Variants in CAB39L observed in about 807,000 individuals in gnomAD.
CAB39L encodes calcium binding protein 39 like.
A neutral mutation model predicts 39.1 loss-of-function variants in CAB39L; 23 were observed. The ratio of observed to expected loss-of-function variants is 0.59; its 90% CI spans 0.42 to 0.83. CAB39L has a LOEUF of 0.83. Among genes scored for constraint, CAB39L ranks in the 40% least tolerant of loss-of-function variants. The probability of loss-of-function intolerance (pLI) is 0.00; values close to 1 mark genes in which losing one functional copy is unlikely to be tolerated. For synonymous variants in CAB39L, 126 were observed against 137.2 expected (o/e 0.92, Z 0.57); for missense variants, 366 against 391.9 (o/e 0.93, Z 0.56).
chr13:49,359,196 C>A (rs1447576541), intron 6 of CAB39L, among the ~76,000 whole-genome samples: 1 of 152,106 alleles, frequency 6.6e-6, no homozygotes, highest in Non-Finnish European at 1.5e-5. Context: ...AATAAGTATA[C>A]ATAAAAATAA....
In CAB39L at chr13:49,366,510, C is replaced by T. The variant is rs188642942; in HGVS notation, c.277-6678G>A. Among the ~76,000 whole-genome samples the T allele has an allele frequency of 1.7e-4, 26 of 151,302 alleles. No individual in the cohort carries two copies. The East Asian group carries it at 3.5e-3, about 20-fold the overall frequency. On this transcript the variant is annotated intron_variant, in intron 5 of 10. Transcript: ENST00000409308. ...GGCTTGGTGGCACGCACCTATAATC[C>T]CAGCTACTCAGGAGGCTGAGGCAGG... is the stretch of plus-strand genomic sequence containing the variant.
chr13:49,366,691 C>G (rs940021546), intron 5 of CAB39L, among the ~76,000 whole-genome samples: 3 of 151,264 alleles, frequency 2.0e-5, no homozygotes, highest in Non-Finnish European at 2.9e-5. Context: ...CCCAACCCCC[C>G]ATCAAAGCCC....
intron 2 of CAB39L, 79 bp from the exon 3 acceptor site, chr13:49,433,472 T>C (rs1957358913): frequency 2.3e-5 from 9 of 399,136 alleles, no homozygotes; most frequent in South Asian, 1.6e-4. Context: ...TGCTTTCAGG[T>C]ATACAGAATT....
intron 8 of CAB39L, among the ~76,000 whole-genome samples, chr13:49,342,910 C>A (rs1356912779): frequency 6.6e-6 from 1 of 152,126 alleles, no homozygotes; most frequent in Admixed American, 6.5e-5. Flanking sequence ...ATTGATTGTA[C>A]ATTAAAATAA....
chr13:49,401,106 A>G (rs1956760283), intron 3 of CAB39L: 1 of 152,184 alleles, frequency 6.6e-6, no homozygotes, highest in African/African-American at 2.4e-5. Context: ...TCTATAAACC[A>G]GTATAGATAA....
At chr13:49,371,623 G>T (rs1404472125) in intron 5 of CAB39L, among the ~76,000 whole-genome samples, 2 of 151,906 alleles carry the variant, frequency 1.3e-5, no homozygotes, top group African/African-American at 2.4e-5. Context: ...TTGAGACAGG[G>T]TCTCATTCTA....
At chr13:49,337,332 G>A (rs979089026) in intron 9 of CAB39L, among the ~76,000 whole-genome samples, 1 of 152,170 alleles carries the variant, frequency 6.6e-6, no homozygotes, top group African/African-American at 2.4e-5. Context: ...ATGAGTTGCT[G>A]CACTAAAAAC....
In CAB39L at chr13:49,378,391, G is replaced by C. The variant is rs1487353398; in HGVS notation, c.112-1260C>G. 2.1e-4 allele frequency among the ~76,000 whole-genome samples: 13 copies of C among 62,010 alleles called. 4 individuals carry two copies. The highest frequency in any genetic ancestry group is 5.3e-4 in the African/African-American group (5 of 9,512). 40.7% of individuals were successfully genotyped at this position (62,010 alleles called of 152,430 possible). A position where few individuals can be genotyped will look rare whatever the true frequency, so the allele number is the denominator to read the frequency against. On this transcript the variant is annotated intron_variant, in intron 4 of 10. Transcript: ENST00000409308. Reference sequence around the variant, plus strand: ...GGGTCAGCCCCCCACCTGGCCAGCCGTGCCGTCCGGGAGGGAGGTGGGGGG... The same window carrying C: ...GGGTCAGCCCCCCACCTGGCCAGCCCTGCCGTCCGGGAGGGAGGTGGGGGG...
At chr13:49,346,344 AAAAG>A (rs1488472708) in intron 7 of CAB39L, among the ~76,000 whole-genome samples, 1 of 149,626 alleles carries the variant, frequency 6.7e-6, no homozygotes, top group African/African-American at 2.4e-5. Flanking sequence ...GAAAAAAAAA[AAAAG>A]AAACCACAAA....
chr13:49,420,054 C>T (rs74074077), intron 3 of CAB39L, among the ~76,000 whole-genome samples: 493 of 152,198 alleles, frequency 3.2e-3, no homozygotes, highest in African/African-American at 0.011. Context: ...TTATATTAAA[C>T]GCATTAACTT....
At chr13:49,443,795 C>T (rs1957593221) in intron 1 of CAB39L, among the ~76,000 whole-genome samples, 191 bp downstream of exon 1, 1 of 152,154 alleles carries the variant, frequency 6.6e-6, no homozygotes, top group Non-Finnish European at 1.5e-5. Context: ...TCTCTCTAGC[C>T]AGGGATGAGA....
Position 49,344,919 on chromosome 13 carries a change from C to T in CAB39L, c.565-681G>A, listed in dbSNP as rs75441105. Among the ~76,000 whole-genome samples, 606 of 152,278 alleles carry T rather than the reference C, an allele frequency of 4.0e-3. 7 individuals carry two copies. The highest frequency in any genetic ancestry group is 0.039 in the East Asian group (200 of 5,188). ...GTGTTGTGCAAGTTACTAAGTAGCACAATCCATCCTTTCAAAATTGAAGAT... is the reference window on the plus strand; with the variant it reads ...GTGTTGTGCAAGTTACTAAGTAGCATAATCCATCCTTTCAAAATTGAAGAT... On this transcript the variant is annotated intron_variant, in intron 7 of 10. Transcript: ENST00000409308.
intron 3 of CAB39L, among the ~76,000 whole-genome samples, chr13:49,426,980 G>A (rs1283168633): frequency 6.6e-6 from 1 of 152,152 alleles, no homozygotes; most frequent in African/African-American, 2.4e-5. Flanking sequence ...TGTTTGGAGA[G>A]GCTGACATGG....
At chr13:49,443,880 C>G in intron 1 of CAB39L, 106 bp downstream of exon 1, 1 of 455,846 alleles carries the variant, frequency 2.2e-6, no homozygotes, top group South Asian at 1.6e-5. Context: ...CTCCTTTACC[C>G]CATTGTTCTC....
At chr13:49,325,797 AATAC>A (rs1234181304) in intron 10 of CAB39L, among the ~76,000 whole-genome samples, 1 of 152,064 alleles carries the variant, frequency 6.6e-6, no homozygotes, top group Non-Finnish European at 1.5e-5. Context: ...CTCAAAAATA[AATAC>A]ATAAATAAAT....
chr13:49,351,539 A>C (rs2138470833), intron 6 of CAB39L, among the ~76,000 whole-genome samples: 1 of 152,310 alleles, frequency 6.6e-6, no homozygotes, highest in East Asian at 1.9e-4. Flanking sequence ...AGCCAAGGTA[A>C]GCAGTTGGTT....
chr13:49,439,246 T>G lies in CAB39L; in HGVS notation c.-246+4740A>C, dbSNP rs183718150. ...TTCTATGGTCTAGCCATCTCATTTCTTTTTTTCCCCTGAAAACATAGAAAG... is the reference window on the plus strand; with the variant it reads ...TTCTATGGTCTAGCCATCTCATTTCGTTTTTTCCCCTGAAAACATAGAAAG... On this transcript the variant is annotated intron_variant, in intron 1 of 10. Coordinates refer to ENST00000409308, the MANE Select transcript of CAB39L (RefSeq NM_001079670.3). 2.0e-4 allele frequency among the ~76,000 whole-genome samples: 30 copies of G among 152,172 alleles called. No homozygotes were observed. The East Asian group carries it at 5.2e-3, about 26-fold the overall frequency.
intron 3 of CAB39L, among the ~76,000 whole-genome samples, chr13:49,411,811 A>G (rs1308604108): frequency 1.3e-5 from 2 of 152,170 alleles, no homozygotes; most frequent in African/African-American, 4.8e-5. Flanking sequence ...TATGAGGAAC[A>G]TTCGAGCCCC....
chr13:49,365,499 C>T (rs955586126), intron 5 of CAB39L, among the ~76,000 whole-genome samples: 2 of 152,108 alleles, frequency 1.3e-5, no homozygotes, highest in Non-Finnish European at 2.9e-5. Flanking sequence ...GTACAATCAA[C>T]AAAGTGAAGA....
Sources: gnomAD v4.1 joint callset for allele counts (sites outside exome capture counted in the v4.1 genomes callset) on GRCh38, gnomAD v4.1.1 for gene constraint, MANE v1.5 for transcripts, NCBI Gene and HGNC (gene_info 2026-07-23, HGNC 2026-07-21) for gene names.